NR3C2: variants seen among roughly 807,000 people sequenced by gnomAD.
NR3C2 encodes the protein mineralocorticoid receptor.
NR3C2 carries 15 observed loss-of-function variants against 86.4 expected under a neutral mutation model. That is an observed-to-expected ratio of 0.17 (90% CI 0.12 to 0.27). The LOEUF is 0.27. NR3C2 is among the 10% of genes least tolerant of loss of function. The probability of loss-of-function intolerance (pLI) is 1.00; values close to 1 mark genes in which losing one functional copy is unlikely to be tolerated. For synonymous variants in NR3C2, 458 were observed against 450.5 expected (o/e 1.02, Z -0.21); for missense variants, 960 against 1,195.6 (o/e 0.80, Z 2.91).
intron 2 of NR3C2, among the ~76,000 whole-genome samples, chr4:148,285,702 T>C (rs1043067071): frequency 1.3e-5 from 2 of 151,894 alleles, no homozygotes; most frequent in African/African-American, 2.4e-5. Context: ...TGAGACTCTG[T>C]CTCAAAAAAA....
intron 7 of NR3C2, 84 bp downstream of exon 7, chr4:148,120,074 C>T: frequency 6.4e-7 from 1 of 1,572,098 alleles, no homozygotes; most frequent in South Asian, 1.1e-5. Context: ...GTACCAACTA[C>T]CTGAATACAA....
At chr4:148,374,423 G>C (rs1746572742) in intron 2 of NR3C2, among the ~76,000 whole-genome samples, 1 of 152,126 alleles carries the variant, frequency 6.6e-6, no homozygotes, top group Admixed American at 6.5e-5. Flanking sequence ...ACCGGGCCCA[G>C]AAAGACTCAA....
intron 2 of NR3C2, among the ~76,000 whole-genome samples, chr4:148,295,609 C>T (rs1012483415): frequency 6.6e-6 from 1 of 150,840 alleles, no homozygotes; most frequent in Non-Finnish European, 1.5e-5. Flanking sequence ...AGCCTCTCCA[C>T]ATGCCCATCT....
chr4:148,099,904 TC>T (rs762257432), intron 8 of NR3C2, among the ~76,000 whole-genome samples: 94 of 152,202 alleles, frequency 6.2e-4, no homozygotes, highest in Non-Finnish European at 2.4e-4. Context: ...TTTTGTTTTT[TC>T]CAGAAAGATC....
chr4:148,113,896 C>A (rs760632161), intron 8 of NR3C2, among the ~76,000 whole-genome samples: 1 of 152,142 alleles, frequency 6.6e-6, no homozygotes, highest in Non-Finnish European at 1.5e-5. Flanking sequence ...CTTGGCCCAT[C>A]CTGTATGTAA....
rs1352052484 is a variant in NR3C2 at position 148,323,324 on chromosome 4, G to T, written c.1758-63207C>A. On this transcript the variant is annotated intron_variant, in intron 2 of 8. Coordinates refer to ENST00000358102, the MANE Select transcript of NR3C2 (RefSeq NM_000901.5). The stretch of plus-strand genomic sequence containing the variant: ...ATTTAAGTCTGCAGAGGTTACTGCT[G>T]TCTTTTTGTTTGTCTGTGCCCTGCC... Among the ~76,000 whole-genome samples the T allele has an allele frequency of 1.1e-3, 166 of 148,476 alleles. 1 individual carries two copies. Among genetic ancestry groups the T allele is most frequent in the African/African-American group, 3.9e-3 (156 of 39,536 alleles).
intron 6 of NR3C2, among the ~76,000 whole-genome samples, chr4:148,140,520 C>T (rs1733557792): frequency 6.6e-6 from 1 of 151,978 alleles, no homozygotes; most frequent in Non-Finnish European, 1.5e-5. Context: ...ACAGTGAGAC[C>T]ACATCTCTAC....
chr4:148,209,652 TA>T lies in NR3C2; in HGVS notation c.1898-14791del, dbSNP rs955199484. On this transcript the variant is annotated intron_variant, in intron 3 of 8. Transcript: ENST00000358102. ...GCCTAACTATCATTTCAGTCACTCGTAAAAGAGAAAGACTCATTGATTTTAG... is the reference window on the plus strand; with the variant it reads ...GCCTAACTATCATTTCAGTCACTCGTAAAGAGAAAGACTCATTGATTTTAG... 6.6e-5 allele frequency among the ~76,000 whole-genome samples: 10 copies of T among 152,288 alleles called. 1 individual carries two copies. The highest frequency in any genetic ancestry group is 6.5e-4 in the Admixed American group (10 of 15,300).
At chr4:148,150,431 A>G (rs1734052003) in intron 6 of NR3C2, among the ~76,000 whole-genome samples, 1 of 152,080 alleles carries the variant, frequency 6.6e-6, no homozygotes, top group Non-Finnish European at 1.5e-5. Flanking sequence ...TGACACACCT[A>G]TTTTCTCTGT....
At chr4:148,358,854 T>C (rs998574546) in intron 2 of NR3C2, among the ~76,000 whole-genome samples, 1 of 152,086 alleles carries the variant, frequency 6.6e-6, no homozygotes, top group African/African-American at 2.4e-5. Flanking sequence ...AACACAGTAA[T>C]AACATACCAA....
chr4:148,340,545 T>C (rs1457852343), intron 2 of NR3C2, among the ~76,000 whole-genome samples: 2 of 152,046 alleles, frequency 1.3e-5, no homozygotes, highest in African/African-American at 4.8e-5. Flanking sequence ...GAAGAAACTA[T>C]TAGGGAAATG....
rs11381991 is a variant in NR3C2 at position 148,082,665 on chromosome 4, G to GTTTTTTTT, written c.2800-1174_2800-1167dup. 1.5e-5 allele frequency among the ~76,000 whole-genome samples: 2 copies of GTTTTTTTT among 130,916 alleles called. 1 individual carries two copies. The highest frequency in any genetic ancestry group is 3.2e-5 in the Non-Finnish European group (2 of 62,568). The allele number at this position is 130,916 out of a possible 152,430, so 85.9% of individuals were successfully genotyped here. On this transcript the variant is annotated intron_variant, in intron 8 of 8. Transcript: ENST00000358102. ...TAGGGCAGACACTGAGCTAGCTGCA[G>GTTTTTTTT]TTTTTTTTTTTTTTTTTCATACCCC...
At chr4:148,183,337 A>C (rs553528698) in intron 4 of NR3C2, among the ~76,000 whole-genome samples, 2 of 152,340 alleles carry the variant, frequency 1.3e-5, no homozygotes, top group South Asian at 4.1e-4. Flanking sequence ...GTATATACCC[A>C]GTAATGGGAT....
At chr4:148,299,483 G>A (rs1206280298) in intron 2 of NR3C2, among the ~76,000 whole-genome samples, 1 of 152,162 alleles carries the variant, frequency 6.6e-6, no homozygotes, top group Admixed American at 6.5e-5. Context: ...CCACAGACAT[G>A]CGTGGGATGG....
At chr4:148,100,899 C>G (rs1731505055) in intron 8 of NR3C2, among the ~76,000 whole-genome samples, 2 of 152,306 alleles carry the variant, frequency 1.3e-5, no homozygotes, top group African/African-American at 4.8e-5. Flanking sequence ...GGGAGTAACT[C>G]TGACATCTGC....
chr4:148,415,840 T>C (rs951383878), intron 2 of NR3C2, among the ~76,000 whole-genome samples: 1 of 152,214 alleles, frequency 6.6e-6, no homozygotes, highest in Non-Finnish European at 1.5e-5. Flanking sequence ...AAACAATACA[T>C]TCTCATTGTA....
At chr4:148,358,586 C>G (rs1745679175) in intron 2 of NR3C2, among the ~76,000 whole-genome samples, 1 of 150,652 alleles carries the variant, frequency 6.6e-6, no homozygotes, top group East Asian at 2.0e-4. Flanking sequence ...CTAACCTGCA[C>G]AATGTGCACA....
intron 2 of NR3C2, among the ~76,000 whole-genome samples, chr4:148,422,443 T>C (rs1380478810): frequency 1.3e-5 from 2 of 152,134 alleles, no homozygotes; most frequent in Non-Finnish European, 2.9e-5. Context: ...CAAATTGGCA[T>C]AAACTAAAGA....
chr4:148,417,067 G>A (rs563422929), intron 2 of NR3C2, among the ~76,000 whole-genome samples: 17 of 152,166 alleles, frequency 1.1e-4, no homozygotes, highest in East Asian at 3.9e-4. Context: ...GTGAGCCACC[G>A]CACCTGGCCT....
Sources: gnomAD v4.1 joint callset for allele counts (sites outside exome capture counted in the v4.1 genomes callset) on GRCh38, gnomAD v4.1.1 for gene constraint, MANE v1.5 for transcripts, NCBI Gene and HGNC (gene_info 2026-07-23, HGNC 2026-07-21) for gene names.